Variants in OR14A2 observed in about 807,000 individuals in gnomAD.
The protein encoded by OR14A2 is olfactory receptor family 14 subfamily A member 2.
For synonymous variants in OR14A2, 114 were observed against 58.6 expected (o/e 1.95, Z -4.32); for missense variants, 237 against 152.9 (o/e 1.55, Z -2.90).
chr1:247,723,156 T>C (rs1369344641), exon 1 of OR14A2: 7 of 717,506 alleles, frequency 9.8e-6, no homozygotes, highest in Non-Finnish European at 1.8e-5. Flanking sequence ...TCAGAGCACA[T>C]TTCATGTCAT....
chr1:247,724,171 A>G, upstream of OR14A2: 1 of 553,172 alleles, frequency 1.8e-6, no homozygotes, highest in Non-Finnish European at 3.2e-6. Flanking sequence ...TATTCAGTGG[A>G]AAGGAGTCAT....
At chr1:247,739,376 T>G in the OR14A2 span, 1 of 780,890 alleles carries the variant, frequency 1.3e-6, no homozygotes, top group Non-Finnish European at 2.4e-6. Flanking sequence ...TAACAGGTGC[T>G]GTTGCTTATT....
exon 1 of OR14A2, chr1:247,723,127 G>A (rs1660238822): frequency 1.4e-6 from 1 of 716,990 alleles, no homozygotes; most frequent in Admixed American, 2.0e-5. Flanking sequence ...CTGACCATAT[G>A]TTTTCTGCAG....
upstream of OR14A2, among the ~76,000 whole-genome samples, chr1:247,728,974 G>A (rs747046735): frequency 2.0e-5 from 3 of 152,034 alleles, no homozygotes; most frequent in Non-Finnish European, 2.9e-5. Flanking sequence ...TTTGATAAAA[G>A]ACTCAAAGAG....
the OR14A2 span, among the ~76,000 whole-genome samples, chr1:247,731,778 T>C: frequency 2.1e-3 from 317 of 152,240 alleles, 4 homozygotes; most frequent in Non-Finnish European, 5.4e-4. Context: ...ACATATTTTT[T>C]TTTCTTAATT....
chr1:247,723,626 C>G lies in OR14A2; in HGVS notation c.418G>C (p.Val140Leu), dbSNP rs145832371. The G allele has an allele frequency of 1.0e-4, 75 of 718,404 alleles. No homozygotes were observed. In the East Asian group the frequency reaches 1.6e-3, roughly 16 times the overall value. The allele number at this position is 718,404 out of a possible 1,614,324, so 44.5% of individuals were successfully genotyped here. ...GCCCAGGAAACACTTGCCATTAACA[C>G]ACAGACTCCAGTATTCATGATTACC... Residue 140 changes from valine (V) to leucine (L), a missense_variant, in exon 1 of 1, where the codon GTG becomes CTG. Val to Leu is a conservative substitution (Grantham distance 32, BLOSUM62 1). Coordinates refer to ENST00000366485, the Ensembl canonical transcript of OR14A2.
the OR14A2 span, chr1:247,739,709 A>C: frequency 1.7e-6 from 1 of 573,754 alleles, no homozygotes; most frequent in African/African-American, 1.9e-5. Flanking sequence ...AATAGAAAGC[A>C]ACTATTTTCC....
chr1:247,744,903 T>C, the OR14A2 span, among the ~76,000 whole-genome samples: 628 of 152,254 alleles, frequency 4.1e-3, 6 homozygotes, highest in Middle Eastern at 0.017. The surrounding 1 kb of genome is among the most constrained non-coding windows in gnomAD (Gnocchi z 4.3). Flanking sequence ...AAGTTATAAA[T>C]TGGACATACA....
the OR14A2 span, among the ~76,000 whole-genome samples, chr1:247,734,382 G>A: frequency 6.6e-6 from 1 of 152,164 alleles, no homozygotes; most frequent in Non-Finnish European, 1.5e-5. Context: ...ACTCACAGAC[G>A]ACGTGTTTAA....
chr1:247,742,477 C>A, the OR14A2 span, among the ~76,000 whole-genome samples: 1 of 151,908 alleles, frequency 6.6e-6, no homozygotes, highest in Non-Finnish European at 1.5e-5. Context: ...CACGCACACA[C>A]ACACACCATG....
the OR14A2 span, among the ~76,000 whole-genome samples, chr1:247,729,079 A>G: frequency 4.7e-4 from 71 of 152,122 alleles, no homozygotes; most frequent in Non-Finnish European, 8.5e-4. Context: ...AATTTGACAT[A>G]ATTTGTAAAC....
At chr1:247,727,453 G>T (rs1660402775), upstream of OR14A2, among the ~76,000 whole-genome samples, 1 of 151,906 alleles carries the variant, frequency 6.6e-6, no homozygotes, top group Non-Finnish European at 1.5e-5. Flanking sequence ...TGGGGTTAAT[G>T]CCCACAAGAG....
At chr1:247,743,082 G>T in the OR14A2 span, among the ~76,000 whole-genome samples, 7 of 152,286 alleles carry the variant, frequency 4.6e-5, no homozygotes, top group East Asian at 1.2e-3. Flanking sequence ...AACAACCAGA[G>T]TATGGAAATC....
At chr1:247,739,204 G>C in the OR14A2 span, 2 of 780,856 alleles carry the variant, frequency 2.6e-6, no homozygotes, top group Non-Finnish European at 4.8e-6. Flanking sequence ...ATTAGTGTCA[G>C]TGTGGCCATT....
At chr1:247,746,883 G>A in the OR14A2 span, 1 of 152,126 alleles carries the variant, frequency 6.6e-6, no homozygotes, top group Non-Finnish European at 1.5e-5. Context: ...TGTTGTTATT[G>A]AAGGACTAGA....
At chr1:247,744,213 A>G in the OR14A2 span, among the ~76,000 whole-genome samples, 3 of 152,192 alleles carry the variant, frequency 2.0e-5, no homozygotes, top group African/African-American at 7.2e-5. The surrounding 1 kb of genome is among the most constrained non-coding windows in gnomAD (Gnocchi z 4.3). Context: ...TTCCTTTATG[A>G]TGAAAGTTTT....
chr1:247,744,469 A>T, the OR14A2 span, among the ~76,000 whole-genome samples: 1 of 152,184 alleles, frequency 6.6e-6, no homozygotes, highest in South Asian at 2.1e-4. This position sits in a 1 kb window ranked among gnomAD's most constrained non-coding sequence, Gnocchi z 4.3. Flanking sequence ...TCTAAGAAGA[A>T]CACTAATTTT....
At chr1:247,724,986 T>C (rs75376748), upstream of OR14A2, among the ~76,000 whole-genome samples, 2,679 of 151,984 alleles carry the variant, frequency 0.018, 81 homozygotes, top group African/African-American at 0.061. Flanking sequence ...GTTCCATATA[T>C]ATCAGACATC....
At chr1:247,727,569 A>T (rs974276766), upstream of OR14A2, among the ~76,000 whole-genome samples, 1 of 150,552 alleles carries the variant, frequency 6.6e-6, no homozygotes, top group Non-Finnish European at 1.5e-5. Context: ...AAATAACTAA[A>T]ATCAGAGCAG....
Sources: allele counts gnomAD v4.1 joint callset (sites outside exome capture counted in the v4.1 genomes callset), GRCh38; gene constraint gnomAD v4.1.1; non-coding constraint Gnocchi (gnomAD v3.1); transcripts MANE v1.5; gene names NCBI Gene and HGNC (gene_info 2026-07-23, HGNC 2026-07-21).